The following SLC37A3 variants were observed in gnomAD, a reference collection of about 807,000 sequenced individuals.
SLC37A3 encodes sugar phosphate exchanger 3.
In SLC37A3, 51 loss-of-function variants were observed where a neutral mutation model predicts 67.1. The ratio of observed to expected loss-of-function variants is 0.76; its 90% CI spans 0.61 to 0.96. The LOEUF is 0.96. Ranked by LOEUF, SLC37A3 falls within the 40% of genes least tolerant of loss-of-function variation. The pLI is 0.00. For missense variants in SLC37A3, 508 were observed against 603.0 expected (o/e 0.84, Z 1.65); for synonymous variants, 214 against 231.4 (o/e 0.92, Z 0.68).
chr7:140,371,864 T>G lies in SLC37A3; in HGVS notation c.199-2182A>C, dbSNP rs182035798. Among the ~76,000 whole-genome samples the G allele has an allele frequency of 8.9e-4, 136 of 152,188 alleles. 1 individual carries two copies. The East Asian group carries it at 0.017, about 19-fold the overall frequency. ...GAGTTAGTTTACAGAACTTTTTTTT[T>G]TTTTGGAGACGGAGTCTCGCTCTGT... On this transcript the variant is annotated intron_variant, in intron 3 of 14. Transcript: ENST00000326232.
intron 9 of SLC37A3, among the ~76,000 whole-genome samples, chr7:140,350,975 G>A (rs1410406205): frequency 6.6e-6 from 1 of 152,128 alleles, no homozygotes; most frequent in African/African-American, 2.4e-5. Flanking sequence ...ACGTCTAACT[G>A]TCCCATGTTT....
chr7:140,369,191 G>A (rs954886353), intron 4 of SLC37A3, among the ~76,000 whole-genome samples: 3 of 152,204 alleles, frequency 2.0e-5, no homozygotes, highest in African/African-American at 4.8e-5. Flanking sequence ...GAGGTCTCCC[G>A]GCTGTGCTAC....
intron 4 of SLC37A3, 62 bp downstream of exon 4, chr7:140,369,528 G>T: frequency 1.4e-6 from 2 of 1,406,606 alleles, no homozygotes; most frequent in Non-Finnish European, 9.9e-7. Flanking sequence ...ATTTTGTAAG[G>T]CTCAGGGTCA....
At chr7:140,380,500 G>T in intron 2 of SLC37A3, 110 bp from the exon 3 acceptor site, 2 of 759,286 alleles carry the variant, frequency 2.6e-6, no homozygotes, top group Non-Finnish European at 4.1e-6. Context: ...ATTTTATTTG[G>T]TGGGCAGCCA....
chr7:140,362,825 G>A (rs1360520234), intron 5 of SLC37A3, among the ~76,000 whole-genome samples: 1 of 82,576 alleles, frequency 1.2e-5, no homozygotes, highest in Non-Finnish European at 2.7e-5. Context: ...GAGGTGAGGG[G>A]CGCCTCTGCC....
intron 2 of SLC37A3, 121 bp downstream of exon 2, chr7:140,382,317 C>T (rs1381001859): frequency 3.7e-6 from 3 of 816,562 alleles, no homozygotes; most frequent in African/African-American, 1.7e-5. Context: ...AAGACTACAA[C>T]AGAAGGAATA....
chr7:140,352,126 C>T lies in SLC37A3; in HGVS notation c.639G>A (p.Ala213=), dbSNP rs374000986. The change falls in exon 8 of 15, where the codon GCG becomes GCA. Residue 213 remains alanine, a synonymous_variant. Transcript: ENST00000326232. ...YGYEYAFLVT[A]SVQFAGGIVI... ...CGATCCCACCAGCAAACTGCACAGA[C>T]GCCGTCACCAGAAAGGCATACTGGA... 1.7e-4 allele frequency: 273 copies of T among 1,613,014 alleles called. No individual in the cohort carries two copies. The highest frequency in any genetic ancestry group is 2.1e-4 in the Non-Finnish European group (242 of 1,179,834).
At position 140,359,570 on chromosome 7, in the gene SLC37A3, C is replaced by T. The variant is rs1022243122; in HGVS notation, c.376-785G>A. 2.6e-5 allele frequency among the ~76,000 whole-genome samples: 4 copies of T among 152,090 alleles called. No homozygotes were observed. The East Asian group carries it at 5.8e-4, about 22-fold the overall frequency. On this transcript the variant is annotated intron_variant, in intron 5 of 14. Transcript: ENST00000326232. ...CAGCTCCTGAGTTAATCAACGAAAGCGAAACCTATCAAACTTGTGATCTGC... is the reference window on the plus strand; with the variant it reads ...CAGCTCCTGAGTTAATCAACGAAAGTGAAACCTATCAAACTTGTGATCTGC...
At chr7:140,348,155 A>G (rs988439024) in intron 10 of SLC37A3, among the ~76,000 whole-genome samples, 2 of 152,338 alleles carry the variant, frequency 1.3e-5, no homozygotes, top group East Asian at 3.9e-4. Context: ...GAAACCACAG[A>G]TAAGTGGGGG....
chr7:140,346,698 A>T (rs1268044651), intron 10 of SLC37A3, among the ~76,000 whole-genome samples: 4 of 152,120 alleles, frequency 2.6e-5, no homozygotes, highest in Non-Finnish European at 5.9e-5. Context: ...CCAGGGGTTC[A>T]AAACCAGCCT....
intron 4 of SLC37A3, among the ~76,000 whole-genome samples, chr7:140,367,732 A>T (rs1325693885): frequency 2.6e-5 from 4 of 151,898 alleles, no homozygotes; most frequent in African/African-American, 7.3e-5. Flanking sequence ...AGCCAGACAG[A>T]GACGCCAGCT....
chr7:140,382,356 T>C, intron 2 of SLC37A3, 82 bp downstream of exon 2: 2 of 1,113,024 alleles, frequency 1.8e-6, no homozygotes, highest in South Asian at 2.6e-5. Context: ...TGCCCATCAG[T>C]GCATTTGACA....
At chr7:140,387,735 AC>A (rs376354613) in intron 1 of SLC37A3, among the ~76,000 whole-genome samples, 11 of 4,152 alleles carry the variant, frequency 2.6e-3, no homozygotes, top group African/African-American at 7.0e-3. Context: ...ATATAAATAT[AC>A]TATATATTAT....
chr7:140,369,985 C>T (rs1336430308), intron 3 of SLC37A3, among the ~76,000 whole-genome samples: 1 of 152,090 alleles, frequency 6.6e-6, no homozygotes, highest in Non-Finnish European at 1.5e-5. Flanking sequence ...TGGCACATGC[C>T]TGTAATCCCA....
At chr7:140,349,996 TACTTA>T (rs1366509631) in intron 9 of SLC37A3, among the ~76,000 whole-genome samples, 3 of 152,242 alleles carry the variant, frequency 2.0e-5, no homozygotes, top group Admixed American at 2.0e-4. Context: ...TTTTAATTCA[TACTTA>T]ACTTTGTTGG....
In SLC37A3 at chr7:140,361,311, G is replaced by A. The variant is rs1250785794; in HGVS notation, c.376-2526C>T. Among the ~76,000 whole-genome samples the A allele has an allele frequency of 3.3e-5, 5 of 151,994 alleles. No homozygotes were observed. In the East Asian group the frequency reaches 7.8e-4, roughly 24 times the overall value. On this transcript the variant is annotated intron_variant, in intron 5 of 14. Transcript: ENST00000326232. ...CAGCCTGACCAACATGGAGAAACCC[G>A]TCTTTACTAAAAATAAAAAAGTTAG...
At chr7:140,337,212 G>A in intron 14 of SLC37A3, 72 bp downstream of exon 14, 1 of 1,252,450 alleles carries the variant, frequency 8.0e-7, no homozygotes, top group Non-Finnish European at 1.1e-6. Context: ...TTGCTGAAGT[G>A]ACTTAAGTAA....
At chr7:140,361,971 C>A (rs1045126216) in intron 5 of SLC37A3, among the ~76,000 whole-genome samples, 11 of 141,612 alleles carry the variant, frequency 7.8e-5, no homozygotes, top group Non-Finnish European at 1.4e-4. Context: ...CCAGCCGCCA[C>A]CCTGTCTGGG....
chr7:140,397,719 T>C (rs553954850), intron 1 of SLC37A3, among the ~76,000 whole-genome samples: 1 of 152,078 alleles, frequency 6.6e-6, no homozygotes, highest in South Asian at 2.1e-4. Flanking sequence ...CTGAATGATT[T>C]TGCTCACCCC....
Sources: allele counts gnomAD v4.1 joint callset (sites outside exome capture counted in the v4.1 genomes callset), GRCh38; gene constraint gnomAD v4.1.1; transcripts MANE v1.5; gene names NCBI Gene and HGNC (gene_info 2026-07-23, HGNC 2026-07-21).